OPCML: variants seen among roughly 807,000 people sequenced by gnomAD.
The protein encoded by OPCML is opioid binding protein/cell adhesion molecule like.
Under a neutral mutation model 37.8 loss-of-function variants are expected in OPCML, and 13 were observed. The ratio of observed to expected loss-of-function variants is 0.34; its 90% CI spans 0.22 to 0.55. The LOEUF (loss-of-function observed/expected upper bound fraction) is 0.55. OPCML is among the 20% of genes least tolerant of loss of function. The pLI is 0.91. For missense variants in OPCML, 341 were observed against 435.6 expected, an observed-to-expected ratio of 0.78 and a Z score of 1.93; for synonymous variants, 176 against 168.8, an observed-to-expected ratio of 1.04 and a Z score of -0.33.
At chr11:132,613,977 A>C (rs938771533) in intron 3 of OPCML, among the ~76,000 whole-genome samples, 3 of 152,144 alleles carry the variant, frequency 2.0e-5, no homozygotes, top group African/African-American at 4.8e-5. Context: ...TTTTCCGTGT[A>C]GTAATCAGAT....
At chr11:132,614,494 A>G (rs1430506507) in intron 3 of OPCML, among the ~76,000 whole-genome samples, 1 of 152,062 alleles carries the variant, frequency 6.6e-6, no homozygotes, top group East Asian at 1.9e-4. Flanking sequence ...CTCTGCACTG[A>G]CGTGTCTTCA....
In OPCML at chr11:133,503,048, A is replaced by G. The variant is rs539632153; in HGVS notation, c.61+29216T>C. On this transcript the variant is annotated intron_variant, in intron 1 of 7. Transcript: ENST00000524381. ...ATATTGATGGGGCAGGAATGCCACA[A>G]TTTGAAAGGACACAGGGGATTTGAG... Among the ~76,000 whole-genome samples the G allele has an allele frequency of 1.8e-4, 27 of 152,332 alleles. No homozygotes were observed. In the East Asian group the frequency reaches 3.1e-3, roughly 17 times the overall value.
At chr11:132,636,238 C>T (rs1018237293) in intron 3 of OPCML, among the ~76,000 whole-genome samples, 8 of 152,114 alleles carry the variant, frequency 5.3e-5, no homozygotes, top group African/African-American at 7.2e-5. Flanking sequence ...TTTAAACAAG[C>T]GCCTCTGAAA....
In OPCML at chr11:132,618,806, T is replaced by A. The variant is rs530074259; in HGVS notation, c.379+38281A>T. ...AACTTTCCCATCATTCCAACCTCAT[T>A]TAATGCACTTCTTAAACAATAAGTT... is the stretch of plus-strand genomic sequence containing the variant. On this transcript the variant is annotated intron_variant, in intron 3 of 7. Coordinates refer to ENST00000524381, the MANE Select transcript of OPCML (RefSeq NM_001012393.5). 9.9e-5 allele frequency among the ~76,000 whole-genome samples: 15 copies of A among 152,228 alleles called. No individual in the cohort carries two copies. The South Asian group carries it at 1.5e-3, about 15-fold the overall frequency.
intron 3 of OPCML, among the ~76,000 whole-genome samples, chr11:132,615,549 A>G (rs1938954144): frequency 6.6e-6 from 1 of 152,228 alleles, no homozygotes; most frequent in Non-Finnish European, 1.5e-5. Flanking sequence ...ATATAAAACT[A>G]CAGCATAACA....
chr11:133,319,419 G>A (rs1943278461), intron 1 of OPCML, among the ~76,000 whole-genome samples: 1 of 152,110 alleles, frequency 6.6e-6, no homozygotes, highest in Admixed American at 6.5e-5. Context: ...TTCTTCCGAG[G>A]TCCCGACAGG....
chr11:132,906,150 C>T (rs932067060), intron 2 of OPCML, among the ~76,000 whole-genome samples: 1 of 152,110 alleles, frequency 6.6e-6, no homozygotes, highest in Non-Finnish European at 1.5e-5. Flanking sequence ...AGAATGGGGG[C>T]ACCTTTCATC....
At position 132,919,979 on chromosome 11, in the gene OPCML, G is replaced by A. The variant is rs574436948; in HGVS notation, c.146+22947C>T. 2.0e-5 allele frequency among the ~76,000 whole-genome samples: 3 copies of A among 152,298 alleles called. No homozygotes were observed. The South Asian group carries it at 6.2e-4, about 32-fold the overall frequency. ...ACAGAAAGTATTTGAAGCTTGCCAG[G>A]GGCTAGATGGAAGGGGGAAATGGGG... On this transcript the variant is annotated intron_variant, in intron 2 of 7. Transcript: ENST00000524381.
At chr11:133,282,828 T>C (rs907687342) in intron 1 of OPCML, among the ~76,000 whole-genome samples, 8 of 152,194 alleles carry the variant, frequency 5.3e-5, no homozygotes, top group African/African-American at 1.7e-4. Flanking sequence ...ATATGGGACA[T>C]GGAGTCAAAG....
intron 3 of OPCML, among the ~76,000 whole-genome samples, chr11:132,587,315 T>C (rs1242750844): frequency 6.6e-6 from 1 of 152,226 alleles, no homozygotes; most frequent in African/African-American, 2.4e-5. Flanking sequence ...ACAAACTATC[T>C]GCTTACCAGA....
chr11:133,385,213 T>TGG (rs1945019428), intron 1 of OPCML, among the ~76,000 whole-genome samples: 1 of 152,166 alleles, frequency 6.6e-6, no homozygotes, highest in African/African-American at 2.4e-5. Context: ...GCTGATGGCC[T>TGG]GGGAGCAGGT....
At chr11:133,392,356 G>A (rs146533875) in intron 1 of OPCML, among the ~76,000 whole-genome samples, 175 of 152,280 alleles carry the variant, frequency 1.1e-3, no homozygotes, top group Non-Finnish European at 1.8e-3. Context: ...GCCATATCTT[G>A]CAACATGCCA....
chr11:132,996,414 C>T (rs1039536789), intron 1 of OPCML, among the ~76,000 whole-genome samples: 5 of 149,540 alleles, frequency 3.3e-5, no homozygotes, highest in Admixed American at 1.3e-4. Context: ...GTCAGGAGTT[C>T]GAGACCAGCC....
At chr11:133,508,525 CA>C (rs776033517) in intron 1 of OPCML, among the ~76,000 whole-genome samples, 3 of 152,206 alleles carry the variant, frequency 2.0e-5, no homozygotes, top group Non-Finnish European at 2.9e-5. Flanking sequence ...TCTGCAAGCT[CA>C]GCAGCCATGG....
At chr11:133,530,799 A>G (rs1047676824) in intron 1 of OPCML, among the ~76,000 whole-genome samples, 2 of 152,200 alleles carry the variant, frequency 1.3e-5, no homozygotes, top group African/African-American at 4.8e-5. Context: ...TACAGGCTGG[A>G]TTACTTGTTT....
intron 1 of OPCML, among the ~76,000 whole-genome samples, chr11:132,994,740 A>G (rs1198894878): frequency 6.6e-6 from 1 of 152,212 alleles, no homozygotes; most frequent in African/African-American, 2.4e-5. Context: ...GCATTATACC[A>G]GCTAAATGGA....
chr11:133,315,466 G>T (rs1347277112), intron 1 of OPCML, among the ~76,000 whole-genome samples: 2 of 152,138 alleles, frequency 1.3e-5, no homozygotes, highest in Non-Finnish European at 2.9e-5. Context: ...ACCTCAAGAT[G>T]AAATTCACAT....
chr11:132,674,627 A>G (rs981785844), intron 2 of OPCML, among the ~76,000 whole-genome samples: 4 of 152,214 alleles, frequency 2.6e-5, no homozygotes, highest in African/African-American at 9.6e-5. Context: ...GGTGGTGATA[A>G]TGGCTGCTTT....
At chr11:133,242,329 C>A (rs1940761245) in intron 1 of OPCML, among the ~76,000 whole-genome samples, 1 of 152,194 alleles carries the variant, frequency 6.6e-6, no homozygotes, top group African/African-American at 2.4e-5. Context: ...TGGTTTTAAT[C>A]CAAGTGCCCT....
Sources: allele counts gnomAD v4.1 joint callset (sites outside exome capture counted in the v4.1 genomes callset), GRCh38; gene constraint gnomAD v4.1.1; transcripts MANE v1.5; gene names NCBI Gene and HGNC (gene_info 2026-07-23, HGNC 2026-07-21).